BLK: variants seen among roughly 807,000 people sequenced by gnomAD.
The protein encoded by BLK is BLK proto-oncogene, Src family tyrosine kinase.
A neutral mutation model predicts 61.8 loss-of-function variants in BLK; 64 were observed. The ratio of observed to expected loss-of-function variants is 1.03; its 90% CI spans 0.85 to 1.27. The LOEUF is 1.27. BLK is among the 50% of genes most tolerant of loss of function. The probability of loss-of-function intolerance (pLI) is 0.00; values close to 1 mark genes in which losing one functional copy is unlikely to be tolerated. For synonymous variants in BLK, 351 were observed against 272.0 expected, an observed-to-expected ratio of 1.29 and a Z score of -2.86; for missense variants, 853 against 660.5, an observed-to-expected ratio of 1.29 and a Z score of -3.19.
At chr8:11,508,006 G>C (rs1484380434) in intron 1 of BLK, among the ~76,000 whole-genome samples, 2 of 152,124 alleles carry the variant, frequency 1.3e-5, no homozygotes, top group African/African-American at 4.8e-5. Context: ...TGGTCAAGTA[G>C]GGGGTCATCA....
intron 1 of BLK, among the ~76,000 whole-genome samples, chr8:11,511,978 G>C (rs527650082): frequency 9.2e-4 from 139 of 150,632 alleles, no homozygotes; most frequent in Non-Finnish European, 1.4e-3. Flanking sequence ...TTCTGTGATT[G>C]TTTGATTATT....
intron 1 of BLK, among the ~76,000 whole-genome samples, chr8:11,524,008 T>C (rs1427784321): frequency 6.6e-6 from 1 of 152,160 alleles, no homozygotes; most frequent in Non-Finnish European, 1.5e-5. Flanking sequence ...ATTCCGGTTA[T>C]GGAAACATAG....
chr8:11,527,132 G>A (rs1357851171), intron 1 of BLK, among the ~76,000 whole-genome samples: 1 of 151,734 alleles, frequency 6.6e-6, no homozygotes, highest in African/African-American at 2.4e-5. Flanking sequence ...GGCTTAATGT[G>A]GACGTCTAGA....
At chr8:11,531,718 G>A (rs1417311108) in intron 1 of BLK, among the ~76,000 whole-genome samples, 1 of 152,076 alleles carries the variant, frequency 6.6e-6, no homozygotes, top group Non-Finnish European at 1.5e-5. Flanking sequence ...TTTCTCCCCA[G>A]TCACTGATGC....
intron 1 of BLK, among the ~76,000 whole-genome samples, chr8:11,506,897 G>GTCACGGGCTGAAAGATCTGCA (rs1230010250): frequency 2.0e-5 from 3 of 152,222 alleles, no homozygotes; most frequent in Non-Finnish European, 2.9e-5. Flanking sequence ...AGATCTCTCA[G>GTCACGGGCTGAAAGATCTGCA]TCACGGGCTG....
rs138501885 is a variant in BLK, at chr8:11,496,241, G to GT, written c.-2+1656dup. Among the ~76,000 whole-genome samples the GT allele has an allele frequency of 7.9e-3, 1,209 of 152,086 alleles. 5 individuals carry two copies. Among genetic ancestry groups the GT allele is most frequent in the Non-Finnish European group, 0.013 (850 of 67,982 alleles). ...TTTGTGGGGGTTGTTTTTCGTTTAT[G>GT]TTTTTTGTTTTTCAGAGATGGGGTC... On this transcript the variant is annotated intron_variant, in intron 1 of 12. Coordinates refer to ENST00000259089, the MANE Select transcript of BLK (RefSeq NM_001715.3).
At chr8:11,560,379 GTGGA>G (rs1007957804) in intron 10 of BLK, 2 of 213,442 alleles carry the variant, frequency 9.4e-6, no homozygotes, top group Admixed American at 5.3e-5. Flanking sequence ...GGATGGGTGG[GTGGA>G]TGGATGGATG....
chr8:11,499,157 GT>G, intron 1 of BLK, among the ~76,000 whole-genome samples: 1 of 152,302 alleles, frequency 6.6e-6, no homozygotes, highest in East Asian at 1.9e-4. Context: ...TATTTTGCCT[GT>G]ACCTGTTCTA....
At chr8:11,534,504 C>G (rs73541732) in intron 1 of BLK, among the ~76,000 whole-genome samples, 1 of 152,096 alleles carries the variant, frequency 6.6e-6, no homozygotes, top group Non-Finnish European at 1.5e-5. Flanking sequence ...GTAGGTGACT[C>G]GATAAACAAG....
intron 1 of BLK, chr8:11,509,164 A>G (rs2117277717): frequency 6.6e-6 from 1 of 152,040 alleles, no homozygotes; most frequent in East Asian, 1.9e-4. Context: ...CACCGCACGA[A>G]AAGTTGGCAA....
At chr8:11,543,515 T>A (rs1002885289) in intron 2 of BLK, among the ~76,000 whole-genome samples, 168 bp downstream of exon 2, 3 of 152,212 alleles carry the variant, frequency 2.0e-5, no homozygotes, top group African/African-American at 7.2e-5. Flanking sequence ...GGACCCGGCC[T>A]GGTTAGCTCC....
At position 11,509,939 on chromosome 8, in the gene BLK, T is replaced by C. The variant is rs550690302; in HGVS notation, c.-2+15348T>C. ...CTTTTTCTTTCTTTTTATTATAACA[T>C]AAGCATCTTTCCCACTGCTACTTTT... On this transcript the variant is annotated intron_variant, in intron 1 of 12. Coordinates refer to ENST00000259089, the MANE Select transcript of BLK (RefSeq NM_001715.3). 7.2e-5 allele frequency: 11 copies of C among 152,338 alleles called. No homozygotes were observed. In the East Asian group the frequency reaches 7.7e-4, roughly 11 times the overall value. The allele number at this position is 152,338 out of a possible 1,614,324, so 9.4% of individuals were successfully genotyped here.
intron 1 of BLK, among the ~76,000 whole-genome samples, chr8:11,525,470 C>A (rs986243530): frequency 1.2e-5 from 1 of 86,058 alleles, no homozygotes; most frequent in Non-Finnish European, 2.2e-5. Flanking sequence ...TTATATCATA[C>A]AAAACATTCT....
intron 11 of BLK, among the ~76,000 whole-genome samples, chr8:11,561,833 T>G (rs1801516561): frequency 6.6e-6 from 1 of 151,944 alleles, no homozygotes; most frequent in Non-Finnish European, 1.5e-5. Flanking sequence ...ACTATTTTTT[T>G]TTTTTTTGAG....
rs76452806 is a variant in BLK at position 11,503,360 on chromosome 8, G to A, written c.-2+8769G>A. Among the ~76,000 whole-genome samples the A allele has an allele frequency of 9.5e-3, 1,452 of 152,262 alleles. 28 individuals are homozygous for A. The highest frequency in any genetic ancestry group is 0.033 in the African/African-American group (1,377 of 41,542). ...AGGTGGGCACTCTTCTGCAAAGTGC[G>A]TTTATGGCTTTTATCTGGTTTCCTC... On this transcript the variant is annotated intron_variant, in intron 1 of 12. Coordinates refer to ENST00000259089, the MANE Select transcript of BLK (RefSeq NM_001715.3).
At chr8:11,544,413 G>T (rs1198106564) in intron 2 of BLK, among the ~76,000 whole-genome samples, 1 of 152,092 alleles carries the variant, frequency 6.6e-6, no homozygotes, top group African/African-American at 2.4e-5. Context: ...TCCTAACAGG[G>T]ACCTGATGGG....
At position 11,500,730 on chromosome 8, in the gene BLK, C is replaced by T. The variant is rs1298372425; in HGVS notation, c.-2+6139C>T. Among the ~76,000 whole-genome samples the T allele has an allele frequency of 1.3e-5, 2 of 151,966 alleles. 1 individual carries two copies. Among genetic ancestry groups the T allele is most frequent in the Non-Finnish European group, 2.9e-5 (2 of 67,982 alleles). ...TTTTTACCATGTTGTCTAGGCTGGT[C>T]TCAACCTCCTGAGCTCAAGCAATCT... On this transcript the variant is annotated intron_variant, in intron 1 of 12. Coordinates refer to ENST00000259089, the MANE Select transcript of BLK (RefSeq NM_001715.3).
chr8:11,538,999 A>T (rs1800256774), intron 1 of BLK, among the ~76,000 whole-genome samples: 2 of 152,228 alleles, frequency 1.3e-5, no homozygotes, highest in Admixed American at 1.3e-4. Flanking sequence ...AAGTCTTATA[A>T]TCCAAAATCC....
intron 1 of BLK, among the ~76,000 whole-genome samples, chr8:11,521,789 A>G (rs1217271335): frequency 6.6e-6 from 1 of 152,006 alleles, no homozygotes; most frequent in Non-Finnish European, 1.5e-5. Flanking sequence ...TTCTATTTTT[A>G]CACTCCCTGG....
Sources: allele counts gnomAD v4.1 joint callset (sites outside exome capture counted in the v4.1 genomes callset), GRCh38; gene constraint gnomAD v4.1.1; transcripts MANE v1.5; gene names NCBI Gene and HGNC (gene_info 2026-07-23, HGNC 2026-07-21).